Variants in ACOT7 observed in about 807,000 individuals in gnomAD.
ACOT7 encodes cytosolic acyl coenzyme A thioester hydrolase.
In ACOT7, 12 loss-of-function variants were observed where a neutral mutation model predicts 40.2. The observed-to-expected ratio is 0.30, with a 90% confidence interval of 0.19 to 0.48. The LOEUF (loss-of-function observed/expected upper bound fraction) is 0.48. Ranked by LOEUF, ACOT7 falls within the 20% of genes least tolerant of loss-of-function variation. The probability of loss-of-function intolerance (pLI) is 0.99; values close to 1 mark genes in which losing one functional copy is unlikely to be tolerated. For missense variants in ACOT7, 395 were observed against 530.8 expected (o/e 0.74, Z 2.51); for synonymous variants, 228 against 219.5 (o/e 1.04, Z -0.34).
At position 6,288,385 on chromosome 1, in the gene ACOT7, A is replaced by G. The variant is rs1639566145; in HGVS notation, c.829+6479T>C. 6.6e-6 allele frequency among the ~76,000 whole-genome samples: 1 copy of G among 152,122 alleles called. No homozygotes were observed. The highest frequency in any genetic ancestry group is 2.1e-4 in the South Asian group (1 of 4,826). ...CTGGTGAGAGTTTAACTTGCCACAC[A>G]CCTGCTAAGGACCCCGTAGGTGCTT... On this transcript the variant is annotated intron_variant, in intron 7 of 8. Transcript: ENST00000361521. This position sits in a 1 kb window ranked among gnomAD's most constrained non-coding sequence, Gnocchi z 4.3.
chr1:6,345,674 C>T (rs1426932245), intron 2 of ACOT7, among the ~76,000 whole-genome samples: 1 of 152,212 alleles, frequency 6.6e-6, no homozygotes, highest in Non-Finnish European at 1.5e-5. Context: ...GGTCTCATCA[C>T]CATGCCCAGC....
rs1641800780 is a variant in ACOT7 at position 6,358,188 on chromosome 1, T to C, written c.144-8322A>G. On this transcript the variant is annotated intron_variant, in intron 1 of 8. Transcript: ENST00000361521. The surrounding 1 kb of genome is among the most constrained non-coding windows in gnomAD (Gnocchi z 4.1). ...CTGGCCCCTGCTTCTCCTCTTTGAC[T>C]TGCTGCCTAAGGCAGTTCCGGCGAA... Among the ~76,000 whole-genome samples, 1 of 152,050 alleles carries C rather than the reference T, an allele frequency of 6.6e-6. No homozygotes were observed. Among genetic ancestry groups the C allele is most frequent in the African/African-American group, 2.4e-5 (1 of 41,410 alleles).
intron 3 of ACOT7, among the ~76,000 whole-genome samples, chr1:6,336,084 C>A (rs1641092888): frequency 6.6e-6 from 1 of 152,192 alleles, no homozygotes; most frequent in African/African-American, 2.4e-5. Context: ...CGGTGGCTTA[C>A]GCCTGTAATC....
At chr1:6,368,027 C>G (rs1362571919) in intron 1 of ACOT7, among the ~76,000 whole-genome samples, 1 of 152,174 alleles carries the variant, frequency 6.6e-6, no homozygotes, top group African/African-American at 2.4e-5. Flanking sequence ...TCTAGTCTGG[C>G]TGAGTCCGGG....
At chr1:6,292,921 ACT>A (rs1266841422) in intron 7 of ACOT7, among the ~76,000 whole-genome samples, 46 of 122,278 alleles carry the variant, frequency 3.8e-4, no homozygotes, top group African/African-American at 1.4e-3. Context: ...ACGGAGTCTC[ACT>A]CTGTCGCCCA....
intron 6 of ACOT7, among the ~76,000 whole-genome samples, chr1:6,315,944 C>T (rs1384071947): frequency 6.6e-6 from 1 of 152,118 alleles, no homozygotes; most frequent in Non-Finnish European, 1.5e-5. Flanking sequence ...ACATGACATG[C>T]TGCGGACTTC....
chr1:6,265,466 C>T (rs1174726123), intron 8 of ACOT7, among the ~76,000 whole-genome samples: 1 of 152,222 alleles, frequency 6.6e-6, no homozygotes, highest in Admixed American at 6.5e-5. Context: ...CAGGAGGCGG[C>T]ACCTTGGACC....
At chr1:6,285,019 C>A (rs970162099) in intron 7 of ACOT7, among the ~76,000 whole-genome samples, 1 of 152,236 alleles carries the variant, frequency 6.6e-6, no homozygotes, top group African/African-American at 2.4e-5. Context: ...AGCCAACGAC[C>A]CCATTTGCAT....
Position 6,289,163 on chromosome 1 carries a change from G to A in ACOT7, c.829+5701C>T, listed in dbSNP as rs369322643. ...CGCCCCGGCTGGAGTGCAGTGACAC[G>A]ATCTCGGCTCACTGCAACATCTGCC... is the stretch of plus-strand genomic sequence containing the variant. On this transcript the variant is annotated intron_variant, in intron 7 of 8. Coordinates refer to ENST00000361521, the MANE Select transcript of ACOT7 (RefSeq NM_007274.4). The surrounding 1 kb of genome is among the most constrained non-coding windows in gnomAD (Gnocchi z 4.6). Among the ~76,000 whole-genome samples, 49 of 152,150 alleles carry A rather than the reference G, an allele frequency of 3.2e-4. No homozygotes were observed. The highest frequency in any genetic ancestry group is 3.4e-3 in the Middle Eastern group (1 of 294).
At chr1:6,326,592 C>T (rs1411604821) in intron 5 of ACOT7, among the ~76,000 whole-genome samples, 3 of 152,100 alleles carry the variant, frequency 2.0e-5, no homozygotes, top group African/African-American at 4.8e-5. Context: ...CAGCTGCTGC[C>T]GTTTTTTTCT....
chr1:6,337,370 A>C (rs1571320531), intron 3 of ACOT7, among the ~76,000 whole-genome samples: 1 of 152,202 alleles, frequency 6.6e-6, no homozygotes, highest in Non-Finnish European at 1.5e-5. Flanking sequence ...ATCCTCACGA[A>C]TATGTCAGAT....
At chr1:6,276,543 G>A (rs1400007407) in intron 8 of ACOT7, among the ~76,000 whole-genome samples, 1 of 152,132 alleles carries the variant, frequency 6.6e-6, no homozygotes, top group Admixed American at 6.5e-5. Context: ...CAGGCCCTGG[G>A]GAAGGGAGCT....
chr1:6,268,895 C>T (rs763301579), intron 8 of ACOT7, among the ~76,000 whole-genome samples: 4 of 152,186 alleles, frequency 2.6e-5, no homozygotes, highest in Admixed American at 6.5e-5. Context: ...GCCCTCCAGC[C>T]GCCGAGGGCG....
At chr1:6,360,282 G>A (rs6701740) in intron 1 of ACOT7, among the ~76,000 whole-genome samples, 65 of 152,348 alleles carry the variant, frequency 4.3e-4, no homozygotes, top group African/African-American at 1.4e-3. Flanking sequence ...TGCCCGGAGG[G>A]GAGGTCAGAG....
intron 6 of ACOT7, among the ~76,000 whole-genome samples, chr1:6,312,312 T>C (rs745983225): frequency 9.9e-5 from 15 of 152,144 alleles, no homozygotes; most frequent in African/African-American, 1.2e-4. Context: ...AATAACGTAA[T>C]TGTACATTTC....
intron 3 of ACOT7, among the ~76,000 whole-genome samples, chr1:6,334,689 G>A (rs977968553): frequency 6.6e-6 from 1 of 152,254 alleles, no homozygotes; most frequent in Admixed American, 6.5e-5. Flanking sequence ...GCAGGACAGG[G>A]AAGGCTGTCC....
chr1:6,353,856 C>G (rs1641664983), intron 1 of ACOT7, among the ~76,000 whole-genome samples: 2 of 152,198 alleles, frequency 1.3e-5, no homozygotes, highest in Admixed American at 6.5e-5. Flanking sequence ...CCAGAAACTT[C>G]AAGGAAAGAA....
intron 5 of ACOT7, among the ~76,000 whole-genome samples, chr1:6,323,789 A>G (rs572117121): frequency 6.9e-6 from 1 of 143,940 alleles, no homozygotes; most frequent in East Asian, 2.1e-4. Context: ...ATAGCTGTAT[A>G]TATTGGACAA....
At chr1:6,271,393 CCT>C (rs1047007354) in intron 8 of ACOT7, among the ~76,000 whole-genome samples, 3 of 152,208 alleles carry the variant, frequency 2.0e-5, no homozygotes, top group Non-Finnish European at 4.4e-5. Flanking sequence ...ATGCCCTCTC[CCT>C]GTTATAACAG....
Sources: gnomAD v4.1 joint callset for allele counts (sites outside exome capture counted in the v4.1 genomes callset) on GRCh38, gnomAD v4.1.1 for gene constraint, Gnocchi (gnomAD v3.1) non-coding constraint, MANE v1.5 for transcripts, NCBI Gene and HGNC (gene_info 2026-07-23, HGNC 2026-07-21) for gene names.